UBE4B: variants seen among roughly 807,000 people sequenced by gnomAD.
The protein encoded by UBE4B is ubiquitin conjugation factor E4 B.
A neutral mutation model predicts 148.1 loss-of-function variants in UBE4B; 27 were observed. That is an observed-to-expected ratio of 0.18 (90% CI 0.13 to 0.25). The LOEUF is 0.25. UBE4B is among the 10% of genes least tolerant of loss of function. The pLI, the probability that UBE4B is intolerant of heterozygous loss-of-function variation, is 1.00. For missense variants in UBE4B, 1,170 were observed against 1,662.4 expected (o/e 0.70, Z 5.15); for synonymous variants, 596 against 619.3 (o/e 0.96, Z 0.56).
rs1014506342 is a variant in UBE4B at position 10,180,090 on chromosome 1, G to A, written c.*134G>A. ...AACCAACCCCAGGCCCACCCAGAGC[G>A]AGCAAACGCTGAGACCTGAAAGGAC... On this transcript the variant is annotated 3_prime_UTR_variant, in exon 28 of 28. Transcript: ENST00000343090. 80 of 1,064,834 alleles carry A rather than the reference G, an allele frequency of 7.5e-5. No individual in the cohort carries two copies. The highest frequency in any genetic ancestry group is 1.1e-4 in the Non-Finnish European group (76 of 722,348). 66.0% of individuals were successfully genotyped at this position (1,064,834 alleles called of 1,614,324 possible).
rs1156746044 is a variant in UBE4B at position 10,147,049 on chromosome 1, C to T, written c.2550C>T (p.Leu850=). The T allele has an allele frequency of 1.9e-6, 3 of 1,614,174 alleles. No homozygotes were observed. Among genetic ancestry groups the T allele is most frequent in the South Asian group, 2.2e-5 (2 of 91,074 alleles). The change falls in exon 19 of 28, where the codon CTC becomes CTT. Residue 850 remains leucine (L), a synonymous_variant. Transcript: ENST00000343090. ...LRRCLNFYGL[L]IQLLLRILDP... ...GATGTCTGAATTTTTATGGCCTTCT[C>T]ATTCAGCTGCTGCTCCGCATCCTGG...
rs535397393 is a variant in UBE4B at position 10,167,474 on chromosome 1, T to TAATAATGAC, written c.3199-662_3199-661insAATAATGAC. On this transcript the variant is annotated intron_variant, in intron 23 of 27. Coordinates refer to ENST00000343090, the MANE Select transcript of UBE4B (RefSeq NM_001105562.3). ...ATAATAATAATAATAATAATAATAA[T>TAATAATGAC]GACTAAGTAAAAGTTATTATTAAGG... is the stretch of plus-strand genomic sequence containing the variant. 4.4e-3 allele frequency among the ~76,000 whole-genome samples: 664 copies of TAATAATGAC among 149,646 alleles called. 8 individuals carry two copies. The highest frequency in any genetic ancestry group is 0.015 in the African/African-American group (625 of 40,644).
rs1180842712 is a variant in UBE4B at position 10,103,071 on chromosome 1, T to G, written c.559T>G (p.Phe187Val). The G allele has an allele frequency of 6.2e-7, 1 of 1,608,792 alleles. No individual in the cohort carries two copies. Among genetic ancestry groups the G allele is most frequent in the Non-Finnish European group, 8.5e-7 (1 of 1,177,118 alleles). ...CTTTCTTTCTTCTCTTTCTGCACAG[T>G]TTAAGCAGAACCCAAAAGAAGGTAG... ...VIFLSSLSAQ[F>V]KQNPKEVFSD... The change falls in exon 5 of 28, where the codon TTT (phenylalanine) becomes GTT (valine). Residue 187 changes from phenylalanine (F) to valine (V), a missense_variant. Transcript: ENST00000343090.
At chr1:10,119,027 C>T (rs1645364910) in intron 8 of UBE4B, among the ~76,000 whole-genome samples, 2 of 151,652 alleles carry the variant, frequency 1.3e-5, no homozygotes, top group East Asian at 3.9e-4. Flanking sequence ...GGACTACAGG[C>T]GTGCACCACC....
intron 1 of UBE4B, among the ~76,000 whole-genome samples, chr1:10,053,306 G>A (rs1644090170): frequency 1.3e-5 from 2 of 151,564 alleles, no homozygotes; most frequent in East Asian, 3.9e-4. Context: ...GCACCACCAT[G>A]CCCGGCTAAT....
In UBE4B at chr1:10,072,084, C is replaced by A; in HGVS notation, c.81C>A (p.Thr27=). ...GTGGACAGACCTCTCAGCCAACCAC[C>A]CCACTCACCTCTCCCCAGAGGGAGA... The part of the protein sequence containing the change: ...LAGGQTSQPT[T]PLTSPQRENP... The change falls in exon 2 of 28, where the codon ACC becomes ACA. Residue 27 remains threonine, a synonymous_variant. Coordinates refer to ENST00000343090, the MANE Select transcript of UBE4B (RefSeq NM_001105562.3). 6.2e-7 allele frequency: 1 copy of A among 1,612,924 alleles called. No homozygotes were observed. The highest frequency in any genetic ancestry group is 8.5e-7 in the Non-Finnish European group (1 of 1,179,544).
At chr1:10,134,951 A>T in intron 15 of UBE4B, 37 bp from the exon 16 acceptor site, 1 of 1,594,944 alleles carries the variant, frequency 6.3e-7, no homozygotes, top group Non-Finnish European at 8.6e-7. Context: ...AATTTTTTTT[A>T]ATGTTTAAAA....
intron 1 of UBE4B, among the ~76,000 whole-genome samples, chr1:10,035,026 T>C (rs1188956581): frequency 6.6e-6 from 1 of 152,012 alleles, no homozygotes; most frequent in Non-Finnish European, 1.5e-5. Context: ...TGAGACGGAG[T>C]CTTGCTCTGT....
intron 25 of UBE4B, among the ~76,000 whole-genome samples, chr1:10,177,818 G>A (rs1033270681): frequency 6.6e-6 from 1 of 152,134 alleles, no homozygotes; most frequent in Non-Finnish European, 1.5e-5. Context: ...ATACTTTACT[G>A]TTTGGCATGG....
intron 25 of UBE4B, among the ~76,000 whole-genome samples, chr1:10,173,637 G>T (rs1034835496): frequency 2.0e-5 from 3 of 152,096 alleles, no homozygotes; most frequent in Non-Finnish European, 4.4e-5. Context: ...ATTGAGGTGG[G>T]GTCCACACCT....
At chr1:10,059,555 A>T in intron 1 of UBE4B, 1 of 216,988 alleles carries the variant, frequency 4.6e-6, no homozygotes, top group Non-Finnish European at 9.8e-6. Flanking sequence ...TATGAATTGA[A>T]CAGGAGGAGC....
intron 9 of UBE4B, among the ~76,000 whole-genome samples, chr1:10,120,553 A>G (rs1645393342): frequency 6.6e-6 from 1 of 152,030 alleles, no homozygotes; most frequent in South Asian, 2.1e-4. Flanking sequence ...TAAAAAATTA[A>G]AAGTTTACAG....
chr1:10,176,788 T>C (rs902532624), intron 25 of UBE4B, among the ~76,000 whole-genome samples: 24 of 144,182 alleles, frequency 1.7e-4, no homozygotes, highest in Admixed American at 8.3e-4. Flanking sequence ...CTTTTTCTTT[T>C]TTTTTTTTTT....
At chr1:10,134,574 T>C (rs1321042148) in intron 15 of UBE4B, among the ~76,000 whole-genome samples, 10 of 152,066 alleles carry the variant, frequency 6.6e-5, no homozygotes, top group African/African-American at 2.2e-4. Context: ...AATAATTATA[T>C]AATAGGCGGT....
rs909148687 is a variant in UBE4B at position 10,106,394 on chromosome 1, C to T, written c.1007C>T (p.Thr336Ile). 35 of 1,613,244 alleles carry T rather than the reference C, an allele frequency of 2.2e-5. No individual in the cohort carries two copies. The highest frequency in any genetic ancestry group is 4.5e-5 in the East Asian group (2 of 44,856). The change falls in exon 7 of 28, where the codon ACT becomes ATT. Residue 336 changes from threonine (T) to isoleucine (I), a missense_variant. Physicochemically the swap from Thr to Ile is moderately conservative, Grantham distance 89 (BLOSUM62 -1). Coordinates refer to ENST00000343090, the MANE Select transcript of UBE4B (RefSeq NM_001105562.3). This position sits in a 1 kb window ranked among gnomAD's most constrained non-coding sequence, Gnocchi z 4.2. ...SSPRYRPYTV[T>I]HPWASSGVSI... is the part of the protein sequence containing the mutation. ...CCGCGGTATCGCCCCTACACTGTCA[C>T]TCACCCATGGGCGTCCTCAGGCGTC...
At chr1:10,093,846 C>T (rs538860243) in intron 2 of UBE4B, among the ~76,000 whole-genome samples, 7 of 152,000 alleles carry the variant, frequency 4.6e-5, no homozygotes, top group Non-Finnish European at 1.0e-4. Context: ...AGGAGTGGGC[C>T]ACCACGCCCA....
intron 7 of UBE4B, among the ~76,000 whole-genome samples, chr1:10,115,589 C>T (rs1308503033): frequency 6.6e-6 from 1 of 152,042 alleles, no homozygotes; most frequent in Non-Finnish European, 1.5e-5. Flanking sequence ...TACCTGTATT[C>T]CAAGGTCAAT....
intron 23 of UBE4B, among the ~76,000 whole-genome samples, chr1:10,162,261 C>T (rs921861909): frequency 2.6e-5 from 4 of 152,154 alleles, no homozygotes; most frequent in Non-Finnish European, 5.9e-5. Context: ...GCAATCTTTG[C>T]CTCCTGGGTA....
intron 3 of UBE4B, among the ~76,000 whole-genome samples, chr1:10,097,250 C>A (rs1054017459): frequency 6.6e-6 from 1 of 151,550 alleles, no homozygotes; most frequent in Admixed American, 6.6e-5. Context: ...TTTAGAGATA[C>A]AGAGGACAGA....
Sources: allele counts gnomAD v4.1 joint callset (sites outside exome capture counted in the v4.1 genomes callset), GRCh38; gene constraint gnomAD v4.1.1; non-coding constraint Gnocchi (gnomAD v3.1); transcripts MANE v1.5; gene names NCBI Gene and HGNC (gene_info 2026-07-23, HGNC 2026-07-21).